Variants in PRKCI observed in about 807,000 individuals in gnomAD.
PRKCI encodes the protein protein kinase C iota type.
PRKCI carries 43 observed loss-of-function variants against 84.0 expected under a neutral mutation model. The ratio of observed to expected loss-of-function variants is 0.51; its 90% confidence interval spans 0.40 to 0.66. The LOEUF (loss-of-function observed/expected upper bound fraction) is 0.66. PRKCI is among the 30% of genes least tolerant of loss of function. PRKCI has a pLI of 0.00. For missense variants in PRKCI, 459 were observed against 745.6 expected (o/e 0.62, Z 4.48); for synonymous variants, 216 against 234.4 (o/e 0.92, Z 0.72).
chr3:170,237,624 A>G (rs1733013218), intron 2 of PRKCI, among the ~76,000 whole-genome samples: 1 of 152,226 alleles, frequency 6.6e-6, no homozygotes, highest in Non-Finnish European at 1.5e-5. Flanking sequence ...CATTTTAAGG[A>G]ATGTCATAAT....
chr3:170,262,787 T>A (rs1401808021), intron 3 of PRKCI, among the ~76,000 whole-genome samples: 1 of 152,008 alleles, frequency 6.6e-6, no homozygotes, highest in East Asian at 1.9e-4. Flanking sequence ...CCTAATGCAT[T>A]GTTTATAGAC....
At position 170,270,566 on chromosome 3, in the gene PRKCI, G is replaced by A; in HGVS notation, c.591+5G>A. 6.5e-7 allele frequency: 1 copy of A among 1,532,438 alleles called. No individual in the cohort carries two copies. Among genetic ancestry groups the A allele is most frequent in the Non-Finnish European group, 8.8e-7 (1 of 1,134,520 alleles). The allele number at this position is 1,532,438 out of a possible 1,614,324, so 94.9% of individuals were successfully genotyped here. A position where few individuals can be genotyped will look rare whatever the true frequency, so the allele number is the denominator to read the frequency against. ...GGGCGGCATTCTTTGCCACAGGTAA[G>A]ATGTCTGTCCTTTTTTTTTTTTTTT... On this transcript the variant is annotated splice_donor_5th_base_variant and intron_variant, in intron 6 of 17. Transcript: ENST00000295797.
At chr3:170,302,055 A>G (rs934209344) in intron 17 of PRKCI, among the ~76,000 whole-genome samples, 11 of 152,100 alleles carry the variant, frequency 7.2e-5, no homozygotes, top group East Asian at 1.9e-4. Context: ...ATTTTTACCT[A>G]TTGAAATTTT....
chr3:170,247,310 C>T (rs1482210196), intron 2 of PRKCI, among the ~76,000 whole-genome samples: 2 of 152,016 alleles, frequency 1.3e-5, no homozygotes, highest in Non-Finnish European at 2.9e-5. Flanking sequence ...CCCACCTTGG[C>T]CTCCCAAAGT....
intron 2 of PRKCI, among the ~76,000 whole-genome samples, chr3:170,253,529 C>T (rs193157992): frequency 5.9e-5 from 9 of 152,294 alleles, no homozygotes; most frequent in Admixed American, 3.9e-4. Flanking sequence ...CAGTGGCTCA[C>T]GCCTGTAATC....
chr3:170,269,149 G>A (rs561339272), intron 5 of PRKCI, among the ~76,000 whole-genome samples: 6 of 152,140 alleles, frequency 3.9e-5, no homozygotes, highest in African/African-American at 1.4e-4. Flanking sequence ...TCCTGACCTC[G>A]CGTGATCCGT....
At chr3:170,268,280 T>G (rs60773188) in intron 5 of PRKCI, among the ~76,000 whole-genome samples, 12,267 of 152,066 alleles carry the variant, frequency 0.081, 1,170 homozygotes, top group African/African-American at 0.23. Flanking sequence ...CAGGAGTTCA[T>G]ACCAGCCTGG....
chr3:170,267,130 C>T (rs145831300), intron 4 of PRKCI, among the ~76,000 whole-genome samples: 17 of 151,578 alleles, frequency 1.1e-4, no homozygotes, highest in Non-Finnish European at 1.8e-4. Flanking sequence ...CGGGGGGGTG[C>T]GGAATATCCT....
chr3:170,247,007 A>T (rs1231695404), intron 2 of PRKCI, among the ~76,000 whole-genome samples: 2 of 151,864 alleles, frequency 1.3e-5, no homozygotes, highest in Non-Finnish European at 1.5e-5. Flanking sequence ...ATTGTTTCTG[A>T]TGCAAAATCT....
chr3:170,249,546 T>C (rs545747764), intron 2 of PRKCI, among the ~76,000 whole-genome samples: 233 of 152,036 alleles, frequency 1.5e-3, no homozygotes, highest in Non-Finnish European at 2.4e-3. Context: ...CCCAGCACTT[T>C]TGGAGACCAA....
Position 170,284,546 on chromosome 3 carries a change from T to G in PRKCI, c.1153T>G (p.Leu385Val). The change falls in exon 12 of 18, where the codon TTA (leucine) becomes GTA (valine). Residue 385 changes from leucine to valine, a missense_variant. Around this residue, in one of 2 missense-constraint regions of PRKCI, gnomAD observed 209 missense variants for 425.9 expected, o/e 0.49. Coordinates refer to ENST00000295797, the MANE Select transcript of PRKCI (RefSeq NM_002740.6). The part of the protein sequence containing the change: ...IYRDLKLDNV[L>V]LDSEGHIKLT... ...TAGAGATTTGAAACTGGACAATGTA[T>G]TACTGGACTCTGAAGGCCACATTAA... 6.2e-7 allele frequency: 1 copy of G among 1,613,232 alleles called. No individual in the cohort carries two copies.
intron 2 of PRKCI, among the ~76,000 whole-genome samples, chr3:170,244,539 T>TTATAA (rs1317238691): frequency 6.6e-6 from 1 of 152,128 alleles, no homozygotes; most frequent in African/African-American, 2.4e-5. Flanking sequence ...ATAATATCCT[T>TTATAA]TATAATAAAG....
chr3:170,256,014 A>G (rs564259830), intron 2 of PRKCI, among the ~76,000 whole-genome samples: 2 of 152,322 alleles, frequency 1.3e-5, no homozygotes, highest in African/African-American at 4.8e-5. Context: ...CCATCCTTGC[A>G]TCCCTGGAAC....
chr3:170,263,326 A>G, intron 3 of PRKCI, 53 bp from the exon 4 acceptor site: 1 of 1,441,788 alleles, frequency 6.9e-7, no homozygotes, highest in East Asian at 2.3e-5. Context: ...AATTCTGTGT[A>G]ATTTGTATGT....
At chr3:170,254,369 A>C (rs150799838) in intron 2 of PRKCI, among the ~76,000 whole-genome samples, 2 of 152,160 alleles carry the variant, frequency 1.3e-5, no homozygotes, top group African/African-American at 4.8e-5. Flanking sequence ...CTACTCAAGA[A>C]TTACTTGCCT....
At position 170,246,997 on chromosome 3, in the gene PRKCI, A is replaced by G. The variant is rs540299638; in HGVS notation, c.223+11646A>G. Among the ~76,000 whole-genome samples the G allele has an allele frequency of 3.3e-5, 5 of 151,954 alleles. No homozygotes were observed. In the East Asian group the frequency reaches 7.7e-4, roughly 24 times the overall value. On this transcript the variant is annotated intron_variant, in intron 2 of 17. Coordinates refer to ENST00000295797, the MANE Select transcript of PRKCI (RefSeq NM_002740.6). ...TTCAGTACCCTGTCTTATAGCTTGC[A>G]TTGTTTCTGATGCAAAATCTGCTAT...
At chr3:170,262,684 T>C (rs1255017541) in intron 3 of PRKCI, among the ~76,000 whole-genome samples, 3 of 152,238 alleles carry the variant, frequency 2.0e-5, no homozygotes, top group African/African-American at 7.2e-5. Flanking sequence ...AGTTTTACCA[T>C]GTTGGCCAGG....
At chr3:170,281,835 T>C (rs761018213) in intron 10 of PRKCI, 47 bp from the exon 11 acceptor site, 1 of 1,539,126 alleles carries the variant, frequency 6.5e-7, no homozygotes. Context: ...AAAGTTACAC[T>C]ACCTTATTTT....
intron 15 of PRKCI, among the ~76,000 whole-genome samples, chr3:170,296,890 G>T (rs1018082370): frequency 6.6e-6 from 1 of 152,182 alleles, no homozygotes; most frequent in African/African-American, 2.4e-5. Flanking sequence ...GTCTTACACA[G>T]GTGGTGGTTT....
Sources: allele counts gnomAD v4.1 joint callset (sites outside exome capture counted in the v4.1 genomes callset), GRCh38; gene constraint gnomAD v4.1.1; regional missense constraint gnomAD v4.1.1; transcripts MANE v1.5; gene names NCBI Gene and HGNC (gene_info 2026-07-23, HGNC 2026-07-21).